Variants in DPP6 observed in about 807,000 individuals in gnomAD.
DPP6 encodes dipeptidyl peptidase like 6.
DPP6 carries 69 observed loss-of-function variants against 122.6 expected under a neutral mutation model. The observed-to-expected ratio is 0.56, with a 90% CI of 0.46 to 0.69. The LOEUF is 0.69. DPP6 is among the 30% of genes least tolerant of loss of function. The pLI is 0.00. For missense variants in DPP6, 928 were observed against 1,116.9 expected, an observed-to-expected ratio of 0.83 and a Z score of 2.41; for synonymous variants, 418 against 433.1, an observed-to-expected ratio of 0.97 and a Z score of 0.43.
At chr7:154,620,695 G>C (rs1361975446) in intron 5 of DPP6, among the ~76,000 whole-genome samples, 1 of 152,326 alleles carries the variant, frequency 6.6e-6, no homozygotes, top group East Asian at 1.9e-4. Context: ...GTTACGAGCT[G>C]TAACGACGTC....
At chr7:154,239,816 T>TCCAAA (rs1801458650) in intron 1 of DPP6, among the ~76,000 whole-genome samples, 1 of 80,968 alleles carries the variant, frequency 1.2e-5, no homozygotes, top group African/African-American at 7.3e-5. Flanking sequence ...CTACTAAAAC[T>TCCAAA]ACAAAAAAAA....
chr7:154,846,884 C>A (rs1801984088), intron 16 of DPP6, among the ~76,000 whole-genome samples: 1 of 152,134 alleles, frequency 6.6e-6, no homozygotes, highest in African/African-American at 2.4e-5. Flanking sequence ...TTATAATCTT[C>A]ATGTTGGCCC....
At chr7:154,748,326 T>C (rs1843133805) in intron 8 of DPP6, among the ~76,000 whole-genome samples, 1 of 152,104 alleles carries the variant, frequency 6.6e-6, no homozygotes, top group Non-Finnish European at 1.5e-5. Flanking sequence ...ACTTGGAGAA[T>C]TTGCACAAAG....
At chr7:154,221,012 C>T (rs942706267) in intron 1 of DPP6, among the ~76,000 whole-genome samples, 2 of 152,134 alleles carry the variant, frequency 1.3e-5, no homozygotes, top group Non-Finnish European at 2.9e-5. Flanking sequence ...GATTGAAACT[C>T]AAGTTTGAAG....
rs1800420618 is a variant in DPP6, at chr7:154,052,484, C to G, written c.-337C>G. ...ATGTTTTTGGTTTTTTTTCTTCCTT[C>G]AATCTCTTTGATTAGGCCGTACGTG... is the stretch of plus-strand genomic sequence containing the variant. On this transcript the variant is annotated 5_prime_UTR_variant, in exon 1 of 26. The change creates a premature stop within an existing upstream ORF in the 5' untranslated region. Transcript: ENST00000377770. This position sits in a 1 kb window ranked among gnomAD's most constrained non-coding sequence, Gnocchi z 4.8. 2.6e-6 allele frequency: 1 copy of G among 381,010 alleles called. No homozygotes were observed. Among genetic ancestry groups the G allele is most frequent in the Non-Finnish European group, 3.7e-6 (1 of 269,958 alleles). 23.6% of individuals were successfully genotyped at this position (381,010 alleles called of 1,614,324 possible).
At chr7:154,056,764 T>C (rs576556109) in intron 1 of DPP6, among the ~76,000 whole-genome samples, 1 of 152,266 alleles carries the variant, frequency 6.6e-6, no homozygotes, top group Non-Finnish European at 1.5e-5. Flanking sequence ...TGGTTTTTCA[T>C]TGGTATAATG....
At chr7:154,184,682 GAA>G (rs11317493) in intron 1 of DPP6, among the ~76,000 whole-genome samples, 36 of 139,934 alleles carry the variant, frequency 2.6e-4, no homozygotes, top group African/African-American at 8.5e-4. Flanking sequence ...TTAATTTCTG[GAA>G]AAAAAAAAAA....
intron 16 of DPP6, chr7:154,838,266 A>T (rs138784456): frequency 6.6e-6 from 1 of 152,350 alleles, no homozygotes; most frequent in Non-Finnish European, 1.5e-5. Flanking sequence ...AAGTTCCAAG[A>T]TCCGCTAATC....
chr7:154,298,109 G>T (rs535880889), intron 1 of DPP6, among the ~76,000 whole-genome samples: 9 of 152,234 alleles, frequency 5.9e-5, no homozygotes, highest in Admixed American at 2.6e-4. Context: ...AAAATAATGA[G>T]GTCTCCCAGG....
chr7:154,703,191 A>T (rs1440587950), intron 7 of DPP6, among the ~76,000 whole-genome samples: 2 of 152,258 alleles, frequency 1.3e-5, no homozygotes, highest in African/African-American at 4.8e-5. Flanking sequence ...CAATCCCAGT[A>T]TGCCTGGTCA....
the DPP6 span, among the ~76,000 whole-genome samples, chr7:153,878,854 A>T: frequency 3.3e-5 from 5 of 152,246 alleles, no homozygotes; most frequent in African/African-American, 1.2e-4. Flanking sequence ...TAGCACGAAA[A>T]AATCTCTGTG....
At position 154,063,280 on chromosome 7, in the gene DPP6, G is replaced by T. The variant is rs559636785; in HGVS notation, c.243+10217G>T. On this transcript the variant is annotated intron_variant, in intron 1 of 25. Coordinates refer to ENST00000377770, the MANE Select transcript of DPP6 (RefSeq NM_130797.4). Reference sequence around the variant, plus strand: ...TGGCTCTTAGGACCCCCATCGCAGAGGGGGGAGGGACCCCCCATGAGGCGG... The same window carrying T: ...TGGCTCTTAGGACCCCCATCGCAGATGGGGGAGGGACCCCCCATGAGGCGG... 6.3e-3 allele frequency among the ~76,000 whole-genome samples: 744 copies of T among 117,376 alleles called. 114 individuals carry two copies. Among genetic ancestry groups the T allele is most frequent in the Non-Finnish European group, 9.2e-3 (508 of 55,122 alleles). 77.0% of individuals were successfully genotyped at this position (117,376 alleles called of 152,430 possible). A position where few individuals can be genotyped will look rare whatever the true frequency, so the allele number is the denominator to read the frequency against.
At chr7:154,148,265 C>T (rs3115162) in intron 1 of DPP6, among the ~76,000 whole-genome samples, 38,767 of 102,578 alleles carry the variant, frequency 0.38, 9,236 homozygotes, top group East Asian at 0.46. Context: ...CACCAGCAAC[C>T]GCCCGGGGAC....
intron 3 of DPP6, among the ~76,000 whole-genome samples, chr7:154,495,782 C>T (rs1028681685): frequency 6.6e-6 from 1 of 152,166 alleles, no homozygotes; most frequent in African/African-American, 2.4e-5. Flanking sequence ...AAATCTCCTT[C>T]TTTTAATAAG....
chr7:154,080,621 T>G (rs1384775295), intron 1 of DPP6, among the ~76,000 whole-genome samples: 1 of 152,214 alleles, frequency 6.6e-6, no homozygotes, highest in Non-Finnish European at 1.5e-5. Flanking sequence ...TGCAGAGATC[T>G]ACCTGTCTTG....
intron 3 of DPP6, among the ~76,000 whole-genome samples, chr7:154,522,101 C>A (rs2129981113): frequency 6.6e-6 from 1 of 152,218 alleles, no homozygotes; most frequent in South Asian, 2.1e-4. Flanking sequence ...GTAGCTGGGA[C>A]TACAGGCACC....
chr7:154,030,068 C>T (rs1434123314), intron 1 of DPP6, among the ~76,000 whole-genome samples: 2 of 152,074 alleles, frequency 1.3e-5, no homozygotes, highest in Non-Finnish European at 2.9e-5. Context: ...TGGCGGCGCA[C>T]ACCTGTAGTT....
chr7:154,060,743 G>A (rs187591426), intron 1 of DPP6, among the ~76,000 whole-genome samples: 27,681 of 129,000 alleles, frequency 0.21, 816 homozygotes, highest in East Asian at 0.3. Flanking sequence ...CGCGAGGCAG[G>A]GACTGAGAGC....
chr7:154,654,283 A>T (rs1173597245), intron 6 of DPP6, among the ~76,000 whole-genome samples: 2 of 152,026 alleles, frequency 1.3e-5, no homozygotes, highest in African/African-American at 4.8e-5. Flanking sequence ...ATATATGTTA[A>T]AAGCATCTCT....
Sources: allele counts gnomAD v4.1 joint callset (sites outside exome capture counted in the v4.1 genomes callset), GRCh38; gene constraint gnomAD v4.1.1; non-coding constraint Gnocchi (gnomAD v3.1); transcripts MANE v1.5; gene names NCBI Gene and HGNC (gene_info 2026-07-23, HGNC 2026-07-21).